PCDH15: variants seen among roughly 807,000 people sequenced by gnomAD.
The protein encoded by PCDH15 is protocadherin-15.
In PCDH15, 129 loss-of-function variants were observed where a neutral mutation model predicts 178.5. That is an observed-to-expected ratio of 0.72 (90% confidence interval 0.63 to 0.84). PCDH15 has a LOEUF of 0.84. Ranked by LOEUF, PCDH15 falls within the 40% of genes least tolerant of loss-of-function variation. PCDH15 has a pLI of 0.00. For missense variants in PCDH15, 2,230 were observed against 2,099.9 expected (o/e 1.06, Z -1.21); for synonymous variants, 800 against 732.0 (o/e 1.09, Z -1.50).
In PCDH15 at chr10:54,622,592, A is replaced by T. The variant is rs57549679; in HGVS notation, c.91+41580T>A. Among the ~76,000 whole-genome samples the T allele has an allele frequency of 6.8e-3, 312 of 46,136 alleles. 6 individuals carry two copies. The highest frequency in any genetic ancestry group is 0.025 in the African/African-American group (294 of 11,582). 30.3% of individuals were successfully genotyped at this position (46,136 alleles called of 152,430 possible). A position where few individuals can be genotyped will look rare whatever the true frequency, so the allele number is the denominator to read the frequency against. ...GTGTATATATATATATAATATATATAATATATAATATATATAATTATATAT... is the reference window on the plus strand; with the variant it reads ...GTGTATATATATATATAATATATATTATATATAATATATATAATTATATAT... On this transcript the variant is annotated intron_variant, in intron 2 of 37. Transcript: ENST00000644397.
chr10:53,865,851 C>A (rs2079414030), intron 27 of PCDH15, among the ~76,000 whole-genome samples: 1 of 152,090 alleles, frequency 6.6e-6, no homozygotes, highest in Non-Finnish European at 1.5e-5. Context: ...GAACAAAAGA[C>A]AACTTATTCT....
At chr10:54,812,547 C>T (rs1242368532) in intron 3 of PCDH15, among the ~76,000 whole-genome samples, 1 of 152,124 alleles carries the variant, frequency 6.6e-6, no homozygotes, top group African/African-American at 2.4e-5. Flanking sequence ...CAACTTCCGC[C>T]TCCCCGGTTC....
chr10:54,030,849 T>A (rs2093271685), intron 18 of PCDH15, among the ~76,000 whole-genome samples: 1 of 151,886 alleles, frequency 6.6e-6, no homozygotes, highest in South Asian at 2.1e-4. Context: ...CTCTCAAGTG[T>A]CAGTGGTTTG....
intron 2 of PCDH15, among the ~76,000 whole-genome samples, chr10:55,486,233 C>A (rs540378206): frequency 6.6e-6 from 1 of 151,564 alleles, no homozygotes; most frequent in South Asian, 2.1e-4. Context: ...GGGATACCTT[C>A]CATAATAGTT....
chr10:53,960,101 T>C (rs2088134626), intron 22 of PCDH15, among the ~76,000 whole-genome samples: 2 of 152,132 alleles, frequency 1.3e-5, no homozygotes. Context: ...AGTAACTAAC[T>C]CTATGATTAA....
At chr10:55,216,455 A>G (rs1477843619) in intron 1 of PCDH15, among the ~76,000 whole-genome samples, 1 of 151,912 alleles carries the variant, frequency 6.6e-6, no homozygotes, top group Non-Finnish European at 1.5e-5. Flanking sequence ...AAAGAAGTGG[A>G]GGAATGGAAA....
intron 2 of PCDH15, among the ~76,000 whole-genome samples, chr10:55,015,858 T>C (rs1840161695): frequency 6.6e-6 from 1 of 151,974 alleles, no homozygotes; most frequent in African/African-American, 2.4e-5. Flanking sequence ...CCCCTCTTCA[T>C]TTGTGTTTTG....
intron 5 of PCDH15, among the ~76,000 whole-genome samples, chr10:54,361,605 C>T (rs1224714481): frequency 6.6e-6 from 1 of 151,858 alleles, no homozygotes; most frequent in Non-Finnish European, 1.5e-5. Context: ...CATTATTATA[C>T]AGGTAGGAAG....
intron 28 of PCDH15, among the ~76,000 whole-genome samples, chr10:53,854,945 T>G (rs116489191): frequency 0.032 from 4,827 of 152,150 alleles, 249 homozygotes; most frequent in African/African-American, 0.11. Flanking sequence ...AGTTACCTGA[T>G]TTTTCCTATT....
chr10:55,148,180 A>C (rs1292171622), intron 2 of PCDH15, among the ~76,000 whole-genome samples: 1 of 151,898 alleles, frequency 6.6e-6, no homozygotes, highest in Non-Finnish European at 1.5e-5. Flanking sequence ...TGTTTCTTGT[A>C]CTTCAACATT....
intron 3 of PCDH15, among the ~76,000 whole-genome samples, chr10:54,507,140 GTAT>G (rs537042610): frequency 6.6e-6 from 1 of 151,770 alleles, no homozygotes; most frequent in South Asian, 2.1e-4. Flanking sequence ...ACATTCCAGG[GTAT>G]TATTAGAAGC....
Position 53,803,126 on chromosome 10 carries a change from T to TATC in PCDH15, c.*3450_*3452dup, listed in dbSNP as rs1239270995. 6.6e-6 allele frequency: 1 copy of TATC among 151,916 alleles called. No homozygotes were observed. 9.4% of individuals were successfully genotyped at this position (151,916 alleles called of 1,614,324 possible). A position where few individuals can be genotyped will look rare whatever the true frequency, so the allele number is the denominator to read the frequency against. On this transcript the variant is annotated 3_prime_UTR_variant, in exon 38 of 38. Transcript: ENST00000644397. ...ATACCATTTGGGAATAGAAAGAAAC[T>TATC]ATCTATAAAATGTGTAAGTCCTCAA...
At chr10:53,914,779 A>C (rs1313594858) in intron 25 of PCDH15, among the ~76,000 whole-genome samples, 1 of 152,174 alleles carries the variant, frequency 6.6e-6, no homozygotes, top group Non-Finnish European at 1.5e-5. Flanking sequence ...AAATAAAAAC[A>C]ACTGCATGTT....
At chr10:54,350,533 G>C (rs920464544) in intron 5 of PCDH15, among the ~76,000 whole-genome samples, 1 of 152,194 alleles carries the variant, frequency 6.6e-6, no homozygotes, top group Non-Finnish European at 1.5e-5. Context: ...AGATAGGGTT[G>C]AGGCTAATAT....
chr10:54,488,312 A>G (rs890470469), intron 3 of PCDH15, among the ~76,000 whole-genome samples: 9 of 151,878 alleles, frequency 5.9e-5, no homozygotes, highest in Non-Finnish European at 1.2e-4. Context: ...ATTTTTAACT[A>G]AAGTAGAATA....
intron 2 of PCDH15, among the ~76,000 whole-genome samples, chr10:55,368,328 A>G (rs1845416585): frequency 6.6e-6 from 1 of 152,146 alleles, no homozygotes; most frequent in South Asian, 2.1e-4. Context: ...ATGTGAGCAT[A>G]AATGCATACA....
chr10:54,501,499 C>A (rs897031738), intron 3 of PCDH15, among the ~76,000 whole-genome samples: 9 of 152,024 alleles, frequency 5.9e-5, no homozygotes, highest in Non-Finnish European at 1.2e-4. Flanking sequence ...CAGTGTTAAA[C>A]CAACAACTTT....
At chr10:55,486,445 A>T (rs1355532914) in intron 2 of PCDH15, among the ~76,000 whole-genome samples, 1 of 143,646 alleles carries the variant, frequency 7.0e-6, no homozygotes, top group African/African-American at 2.6e-5. Context: ...TAGAGAAAAT[A>T]TAATAATTTA....
intron 1 of PCDH15, among the ~76,000 whole-genome samples, chr10:54,680,389 TC>T (rs1471917445): frequency 6.6e-6 from 1 of 152,190 alleles, no homozygotes; most frequent in African/African-American, 2.4e-5. Flanking sequence ...AATATAATGA[TC>T]AGGCATATTT....
Sources: allele counts gnomAD v4.1 joint callset (sites outside exome capture counted in the v4.1 genomes callset), GRCh38; gene constraint gnomAD v4.1.1; transcripts MANE v1.5; gene names NCBI Gene and HGNC (gene_info 2026-07-23, HGNC 2026-07-21).